The following CARD14 variants were observed in gnomAD, a reference collection of about 807,000 sequenced individuals.
CARD14 encodes caspase recruitment domain family member 14, also known as caspase recruitment domain-containing protein 14.
Under a neutral mutation model 111.5 loss-of-function variants are expected in CARD14, and 107 were observed. The ratio of observed to expected loss-of-function variants is 0.96; its 90% CI spans 0.82 to 1.13. The LOEUF (loss-of-function observed/expected upper bound fraction) is 1.13. CARD14 is among the 50% of genes most tolerant of loss of function. The pLI, the probability that CARD14 is intolerant of heterozygous loss-of-function variation, is 0.00. For missense variants in CARD14, 1,322 were observed against 1,362.3 expected (o/e 0.97, Z 0.47); for synonymous variants, 617 against 579.6 (o/e 1.06, Z -0.93).
Position 80,199,161 on chromosome 17 carries a change from C to T in CARD14, c.1851+570C>T, listed in dbSNP as rs558798332. 3.9e-5 allele frequency among the ~76,000 whole-genome samples: 6 copies of T among 151,978 alleles called. No homozygotes were observed. The South Asian group carries it at 8.3e-4, about 21-fold the overall frequency. On this transcript the variant is annotated intron_variant, in intron 16 of 23. Transcript: ENST00000648509. Reference sequence around the variant, plus strand: ...CTAAAACTTTTTTTTGTTGTTGTTACGAAACGCACAAAACTGCTGAGAAGA... The same window carrying T: ...CTAAAACTTTTTTTTGTTGTTGTTATGAAACGCACAAAACTGCTGAGAAGA...
At position 80,202,601 on chromosome 17, in the gene CARD14, A is replaced by G. The variant is rs949900538; in HGVS notation, c.2219+181A>G. ...GTTGTTTCTTTGTGATGGATGCTTT[A>G]TATATTGCAAATGAAATGTTCATTC... is the stretch of plus-strand genomic sequence containing the variant. On this transcript the variant is annotated intron_variant, in intron 18 of 23. Coordinates refer to ENST00000648509, the MANE Select transcript of CARD14 (RefSeq NM_001366385.1). The G allele has an allele frequency of 2.1e-6, 3 of 1,429,002 alleles. No homozygotes were observed. In the Admixed American group the frequency reaches 8.6e-5, roughly 41 times the overall value. The allele number at this position is 1,429,002 out of a possible 1,614,324, so 88.5% of individuals were successfully genotyped here.
At chr17:80,196,481 G>T (rs1210811911) in intron 14 of CARD14, 6 of 152,176 alleles carry the variant, frequency 3.9e-5, no homozygotes, top group Admixed American at 3.9e-4. Flanking sequence ...TGCCCTGGTT[G>T]CATATACTTT....
At chr17:80,180,825 C>T (rs1318533950) in intron 4 of CARD14, among the ~76,000 whole-genome samples, 1 of 152,180 alleles carries the variant, frequency 6.6e-6, no homozygotes, top group Non-Finnish European at 1.5e-5. Flanking sequence ...TGCAGTGGCA[C>T]AATCTCAGCT....
chr17:80,189,827 C>T lies in CARD14; in HGVS notation c.918C>T (p.His306=). 4 of 1,587,146 alleles carry T rather than the reference C, an allele frequency of 2.5e-6. No individual in the cohort carries two copies. The highest frequency in any genetic ancestry group is 3.4e-6 in the Non-Finnish European group (4 of 1,171,068). ...GACAGGAGCTGGTGGAGCGCATCCACTCGCTGCGGGAGCGGGCCGTGGCTG... is the reference window on the plus strand; with the variant it reads ...GACAGGAGCTGGTGGAGCGCATCCATTCGCTGCGGGAGCGGGCCGTGGCTG... ...GSRQELVERI[H]SLRERAVAAE... is the part of the protein sequence containing the mutation. Residue 306 remains histidine (H), a synonymous_variant, in exon 9 of 24, where the codon CAC becomes CAT. Coordinates refer to ENST00000648509, the MANE Select transcript of CARD14 (RefSeq NM_001366385.1). The surrounding 1 kb of genome is among the most constrained non-coding windows in gnomAD (Gnocchi z 4.7).
chr17:80,192,683 T>C (rs950326556), intron 12 of CARD14, 64 bp downstream of exon 12: 7 of 1,207,910 alleles, frequency 5.8e-6, no homozygotes, highest in Admixed American at 1.8e-5. Flanking sequence ...GGGGCCTCTC[T>C]GTCAGGACGA....
At chr17:80,192,645 C>T (rs1177209707) in intron 12 of CARD14, 26 bp downstream of exon 12, 2 of 1,570,234 alleles carry the variant, frequency 1.3e-6, no homozygotes, top group Non-Finnish European at 1.7e-6. Context: ...CCGCCTCCCT[C>T]ACTGCCTTGA....
chr17:80,203,109 A>G lies in CARD14; in HGVS notation c.2219+689A>G, dbSNP rs1192029527. The G allele has an allele frequency of 6.6e-6, 1 of 152,196 alleles. No homozygotes were observed. The highest frequency in any genetic ancestry group is 6.5e-5 in the Admixed American group (1 of 15,282). The allele number at this position is 152,196 out of a possible 1,614,324, so 9.4% of individuals were successfully genotyped here. The stretch of plus-strand genomic sequence containing the variant: ...CTGGTGAAACCCTGTCTCTATTAAA[A>G]ATACAAAAAACTTAGCTGGGCGTGG... On this transcript the variant is annotated intron_variant, in intron 18 of 23. Coordinates refer to ENST00000648509, the MANE Select transcript of CARD14 (RefSeq NM_001366385.1). The surrounding 1 kb of genome is among the most constrained non-coding windows in gnomAD (Gnocchi z 4.6).
Position 80,198,421 on chromosome 17 carries a change from C to T in CARD14, c.1681C>T (p.Pro561Ser), listed in dbSNP as rs1200903181. 2.5e-6 allele frequency: 4 copies of T among 1,605,950 alleles called. No homozygotes were observed. The highest frequency in any genetic ancestry group is 3.4e-6 in the Non-Finnish European group (4 of 1,174,884). Residue 561 changes from proline to serine, a missense_variant, in exon 16 of 24, where the codon CCA becomes TCA. Physicochemically the swap from Pro to Ser is moderately conservative, Grantham distance 74 (BLOSUM62 -1). Coordinates refer to ENST00000648509, the MANE Select transcript of CARD14 (RefSeq NM_001366385.1). The surrounding 1 kb of genome is among the most constrained non-coding windows in gnomAD (Gnocchi z 7.5). ...SESGVLMRRR[P>S]ARRILSQVTM... The stretch of plus-strand genomic sequence containing the variant: ...CAGCGGCGTCCTCATGCGGCGGAGG[C>T]CAGCCCGCAGGATCCTGAGCCAGGT...
rs930223834 is a variant in CARD14, at chr17:80,189,977, A to G, written c.963+105A>G. ...ATTCCTTCATCCACGCCGAGCTCAC[A>G]TAATTTTGCTGAACGAATCTGTCGG... On this transcript the variant is annotated intron_variant, in intron 9 of 23. Transcript: ENST00000648509. The surrounding 1 kb of genome is among the most constrained non-coding windows in gnomAD (Gnocchi z 4.7). The G allele has an allele frequency of 4.1e-6, 6 of 1,456,292 alleles. No homozygotes were observed. The South Asian group carries it at 5.5e-5, about 13-fold the overall frequency. 90.2% of individuals were successfully genotyped at this position (1,456,292 alleles called of 1,614,324 possible).
At chr17:80,185,495 C>A (rs914448293) in intron 7 of CARD14, among the ~76,000 whole-genome samples, 4 of 152,156 alleles carry the variant, frequency 2.6e-5, no homozygotes, top group Non-Finnish European at 5.9e-5. Context: ...ATCATTTGTA[C>A]TTTTACTCTC....
At position 80,205,742 on chromosome 17, in the gene CARD14, C is replaced by A. The variant is rs895047967; in HGVS notation, c.2691+90C>A. On this transcript the variant is annotated intron_variant, in intron 22 of 23. Transcript: ENST00000648509. ...GGGGATGAGATAAAGGTACAGGGAC[C>A]GACCTGAGACCTGGGTGACCTTGTC... is the stretch of plus-strand genomic sequence containing the variant. 3.4e-5 allele frequency: 46 copies of A among 1,340,354 alleles called. No individual in the cohort carries two copies. In the East Asian group the frequency reaches 1.2e-3, roughly 35 times the overall value. 83.0% of individuals were successfully genotyped at this position (1,340,354 alleles called of 1,614,324 possible).
chr17:80,191,207 C>A, intron 10 of CARD14, 116 bp from the exon 11 acceptor site: 1 of 1,265,488 alleles, frequency 7.9e-7, no homozygotes, highest in Admixed American at 1.9e-5. Context: ...CACAGCTCAG[C>A]GTGGGCCATT....
intron 2 of CARD14, among the ~76,000 whole-genome samples, chr17:80,175,952 G>GTTTTTTTTTTTTTT (rs531556673): frequency 1.9e-5 from 1 of 53,472 alleles, no homozygotes; most frequent in African/African-American, 8.3e-5. Context: ...CTCTCGGATC[G>GTTTTTTTTTTTTTT]TTTTTTTTTT....
chr17:80,204,125 A>T lies in CARD14; in HGVS notation c.2284-102A>T, dbSNP rs536886503. On this transcript the variant is annotated intron_variant, in intron 19 of 23. Transcript: ENST00000648509. ...GTTCTCAGAGCATCTGCGCCTCTGC[A>T]TCACTCCCAGGTCGCCCTAGTGCCA... 4 of 1,161,946 alleles carry T rather than the reference A, an allele frequency of 3.4e-6. No homozygotes were observed. In the South Asian group the frequency reaches 6.2e-5, roughly 18 times the overall value. 72.0% of individuals were successfully genotyped at this position (1,161,946 alleles called of 1,614,324 possible). A position where few individuals can be genotyped will look rare whatever the true frequency, so the allele number is the denominator to read the frequency against.
At chr17:80,207,521 C>T (rs1166934608) in intron 23 of CARD14, 1 of 159,738 alleles carries the variant, frequency 6.3e-6, no homozygotes, top group East Asian at 1.9e-4. Flanking sequence ...TGCACTCCAG[C>T]CTGGGTGACA....
intron 2 of CARD14, among the ~76,000 whole-genome samples, chr17:80,176,970 G>T (rs908539532): frequency 1.3e-5 from 2 of 152,172 alleles, no homozygotes; most frequent in Non-Finnish European, 2.9e-5. Flanking sequence ...TCTGGCTGCC[G>T]TCATAAATTA....
intron 19 of CARD14, 88 bp from the exon 20 acceptor site, chr17:80,204,139 G>C: frequency 7.8e-7 from 1 of 1,288,134 alleles, no homozygotes; most frequent in Non-Finnish European, 1.1e-6. Flanking sequence ...CTCCCAGGTC[G>C]CCCTAGTGCC....
chr17:80,205,267 C>T, intron 21 of CARD14, 62 bp downstream of exon 21: 1 of 1,339,452 alleles, frequency 7.5e-7, no homozygotes, highest in South Asian at 1.3e-5. Context: ...TCCTCCCCTT[C>T]CTCCCTCCTT....
Position 80,201,039 on chromosome 17 carries a change from G to C in CARD14, c.1852-705G>C, listed in dbSNP as rs187556732. 3 of 152,544 alleles carry C rather than the reference G, an allele frequency of 2.0e-5. No individual in the cohort carries two copies. The East Asian group carries it at 5.8e-4, about 29-fold the overall frequency. 9.4% of individuals were successfully genotyped at this position (152,544 alleles called of 1,614,324 possible). The stretch of plus-strand genomic sequence containing the variant: ...GACCAGTACCAGTATGTGGCCCAGG[G>C]GTTGGGGAACCCTGCTCTTAAGGTT... On this transcript the variant is annotated intron_variant, in intron 16 of 23. Coordinates refer to ENST00000648509, the MANE Select transcript of CARD14 (RefSeq NM_001366385.1). This position sits in a 1 kb window ranked among gnomAD's most constrained non-coding sequence, Gnocchi z 5.0.
Sources: gnomAD v4.1 joint callset for allele counts (sites outside exome capture counted in the v4.1 genomes callset) on GRCh38, gnomAD v4.1.1 for gene constraint, Gnocchi (gnomAD v3.1) non-coding constraint, MANE v1.5 for transcripts, NCBI Gene and HGNC (gene_info 2026-07-23, HGNC 2026-07-21) for gene names.